GNAL: variants seen among roughly 807,000 people sequenced by gnomAD.
GNAL encodes the protein G protein subunit alpha L.
GNAL carries 18 observed loss-of-function variants against 55.1 expected under a neutral mutation model. The observed-to-expected ratio is 0.33, with a 90% CI of 0.23 to 0.48. The LOEUF (loss-of-function observed/expected upper bound fraction) is 0.48, where lower values mean the gene tolerates loss of function less well. GNAL is among the 20% of genes least tolerant of loss of function. The probability of loss-of-function intolerance (pLI) is 0.99; values close to 1 mark genes in which losing one functional copy is unlikely to be tolerated. For missense variants in GNAL, 412 were observed against 614.1 expected, an observed-to-expected ratio of 0.67 and a Z score of 3.48; for synonymous variants, 253 against 237.0, an observed-to-expected ratio of 1.07 and a Z score of -0.62.
At position 11,838,962 on chromosome 18, in the gene GNAL, G is replaced by A. The variant is rs141940043; in HGVS notation, c.722+13947G>A. Reference sequence around the variant, plus strand: ...ATTTGGAGTTGTTCTTCTCCATGCAGTGCGTGACACAGTAACATATAAATA... The same window carrying A: ...ATTTGGAGTTGTTCTTCTCCATGCAATGCGTGACACAGTAACATATAAATA... On this transcript the variant is annotated intron_variant, in intron 5 of 11. Transcript: ENST00000334049. Among the ~76,000 whole-genome samples the A allele has an allele frequency of 3.9e-3, 594 of 152,276 alleles. 3 individuals carry two copies. Among genetic ancestry groups the A allele is most frequent in the Non-Finnish European group, 6.5e-3 (439 of 68,032 alleles).
chr18:11,722,503 T>A (rs915404387), intron 1 of GNAL, among the ~76,000 whole-genome samples: 1 of 152,230 alleles, frequency 6.6e-6, no homozygotes, highest in East Asian at 1.9e-4. Flanking sequence ...CACCCTTCAC[T>A]GTACCATAAA....
rs1162398867 is a variant in GNAL, at chr18:11,788,897, G to GAAAAAAAAA, written c.624+34962_624+34970dup. ...AGGAGACAGAGCAAGACTCCGTCTC[G>GAAAAAAAAA]AAAAAAAAAAAAAAAAAATATATAT... On this transcript the variant is annotated intron_variant, in intron 4 of 11. Transcript: ENST00000334049. 1.8e-3 allele frequency among the ~76,000 whole-genome samples: 147 copies of GAAAAAAAAA among 82,510 alleles called. 1 individual carries two copies. The highest frequency in any genetic ancestry group is 4.9e-3 in the African/African-American group (65 of 13,328). 54.1% of individuals were successfully genotyped at this position (82,510 alleles called of 152,430 possible).
chr18:11,853,688 TTGAC>T (rs1159568241), intron 5 of GNAL: 1 of 167,112 alleles, frequency 6.0e-6, no homozygotes, highest in African/African-American at 2.4e-5. Context: ...TATTTTATAT[TTGAC>T]TGGACATTGT....
At chr18:11,815,615 A>G (rs1388552932) in intron 4 of GNAL, among the ~76,000 whole-genome samples, 1 of 152,214 alleles carries the variant, frequency 6.6e-6, no homozygotes, top group Non-Finnish European at 1.5e-5. Context: ...ATTGGGGATT[A>G]CAATTCAACA....
chr18:11,820,369 C>T (rs907997998), intron 4 of GNAL, among the ~76,000 whole-genome samples: 2 of 152,172 alleles, frequency 1.3e-5, no homozygotes, highest in African/African-American at 4.8e-5. Flanking sequence ...TAAGAAGCTT[C>T]ACTGGCTGGC....
intron 4 of GNAL, among the ~76,000 whole-genome samples, chr18:11,808,814 G>A (rs1598478430): frequency 1.3e-5 from 2 of 152,246 alleles, no homozygotes; most frequent in Non-Finnish European, 2.9e-5. Flanking sequence ...AATGCCGTTC[G>A]GCAATAACAA....
chr18:11,759,618 A>G (rs1022611928), intron 4 of GNAL, among the ~76,000 whole-genome samples: 4 of 152,242 alleles, frequency 2.6e-5, no homozygotes, highest in African/African-American at 9.6e-5. Context: ...GGCCTGGGCC[A>G]AGGCCCCGAG....
chr18:11,792,826 C>G (rs2034274311), intron 4 of GNAL, among the ~76,000 whole-genome samples: 2 of 152,196 alleles, frequency 1.3e-5, no homozygotes, highest in South Asian at 4.1e-4. Flanking sequence ...AACCTGGTGA[C>G]ATGGTGATGC....
rs754339363 is a variant in GNAL at position 11,868,681 on chromosome 18, T to C, written c.1031+18T>C. 3.0e-5 allele frequency: 48 copies of C among 1,598,112 alleles called. No homozygotes were observed. In the South Asian group the frequency reaches 3.2e-4, roughly 11 times the overall value. ...AACAACAGGTGACAAAAATAGCAAATTCAGTCTTACCATTGGATTGCAAAT... is the reference window on the plus strand; with the variant it reads ...AACAACAGGTGACAAAAATAGCAAACTCAGTCTTACCATTGGATTGCAAAT... On this transcript the variant is annotated intron_variant, in intron 9 of 11. Coordinates refer to ENST00000334049, the MANE Select transcript of GNAL (RefSeq NM_182978.4). This position sits in a 1 kb window ranked among gnomAD's most constrained non-coding sequence, Gnocchi z 4.0.
At chr18:11,744,962 T>G (rs2032657359) in intron 1 of GNAL, among the ~76,000 whole-genome samples, 1 of 152,188 alleles carries the variant, frequency 6.6e-6, no homozygotes, top group Admixed American at 6.5e-5. Context: ...CTGCCCCTCC[T>G]TGGTCTCCCA....
In GNAL at chr18:11,884,147, G is replaced by A. The variant is rs1469552758; in HGVS notation, c.*3012G>A. On this transcript the variant is annotated 3_prime_UTR_variant, in exon 12 of 12. Coordinates refer to ENST00000334049, the MANE Select transcript of GNAL (RefSeq NM_182978.4). ...CCTTCCTGGGGGAACAAGGACTGTC[G>A]TGCATGTGAGTGACGACATTAATAG... is the stretch of plus-strand genomic sequence containing the variant. 1.8e-5 allele frequency: 5 copies of A among 283,296 alleles called. No individual in the cohort carries two copies. The highest frequency in any genetic ancestry group is 2.7e-5 in the Non-Finnish European group (4 of 147,114). 17.5% of individuals were successfully genotyped at this position (283,296 alleles called of 1,614,324 possible).
intron 5 of GNAL, among the ~76,000 whole-genome samples, chr18:11,861,917 ACTCG>A (rs1243593757): frequency 2.0e-5 from 3 of 150,634 alleles, no homozygotes; most frequent in South Asian, 4.2e-4. Context: ...CACACCACAT[ACTCG>A]CTCTCCACAC....
intron 1 of GNAL, among the ~76,000 whole-genome samples, chr18:11,748,813 C>CA (rs959153266): frequency 2.0e-5 from 3 of 151,218 alleles, no homozygotes; most frequent in South Asian, 2.1e-4. Flanking sequence ...ATGCTTTTTT[C>CA]AAAAAAAAGC....
At chr18:11,872,769 A>G (rs1054439275) in intron 10 of GNAL, among the ~76,000 whole-genome samples, 1 of 152,182 alleles carries the variant, frequency 6.6e-6, no homozygotes, top group Non-Finnish European at 1.5e-5. Context: ...ATGACCCTGC[A>G]TGGTAGTTTC....
intron 10 of GNAL, among the ~76,000 whole-genome samples, chr18:11,875,896 G>A (rs1490876950): frequency 6.6e-6 from 1 of 152,184 alleles, no homozygotes; most frequent in African/African-American, 2.4e-5. Flanking sequence ...TGTCTGGTAA[G>A]GGTTTCTCTG....
At chr18:11,709,484 A>T (rs182009891) in intron 1 of GNAL, among the ~76,000 whole-genome samples, 1 of 152,130 alleles carries the variant, frequency 6.6e-6, no homozygotes, top group South Asian at 2.1e-4. Context: ...TTCATTTCTT[A>T]TATCACTGTT....
chr18:11,741,489 G>C (rs1025214973), intron 1 of GNAL, among the ~76,000 whole-genome samples: 3 of 152,178 alleles, frequency 2.0e-5, no homozygotes, highest in Non-Finnish European at 4.4e-5. Flanking sequence ...CGCTGTAATC[G>C]TTACAGAATT....
At chr18:11,813,738 C>A (rs946120169) in intron 4 of GNAL, among the ~76,000 whole-genome samples, 1 of 152,118 alleles carries the variant, frequency 6.6e-6, no homozygotes, top group Non-Finnish European at 1.5e-5. Context: ...AGATGTCAAG[C>A]GCAGTGGCAT....
chr18:11,871,871 G>A (rs896124910), intron 9 of GNAL, among the ~76,000 whole-genome samples: 2 of 152,170 alleles, frequency 1.3e-5, no homozygotes, highest in East Asian at 1.9e-4. Flanking sequence ...TCCCTTATCC[G>A]AAATGCTTGG....
Sources: gnomAD v4.1 joint callset for allele counts (sites outside exome capture counted in the v4.1 genomes callset) on GRCh38, gnomAD v4.1.1 for gene constraint, Gnocchi (gnomAD v3.1) non-coding constraint, MANE v1.5 for transcripts, NCBI Gene and HGNC (gene_info 2026-07-23, HGNC 2026-07-21) for gene names.